The following SNCAIP variants were observed in gnomAD, a reference collection of about 807,000 sequenced individuals.
The protein encoded by SNCAIP is synuclein alpha interacting protein.
SNCAIP carries 43 observed loss-of-function variants against 86.7 expected under a neutral mutation model. The observed-to-expected ratio is 0.50, with a 90% CI of 0.39 to 0.64. The LOEUF (loss-of-function observed/expected upper bound fraction) is 0.64, where lower values mean the gene tolerates loss of function less well. Ranked by LOEUF, SNCAIP falls within the 30% of genes least tolerant of loss-of-function variation. The pLI, the probability that SNCAIP is intolerant of heterozygous loss-of-function variation, is 0.00. For missense variants in SNCAIP, 981 were observed against 1,103.1 expected, an observed-to-expected ratio of 0.89 and a Z score of 1.57; for synonymous variants, 417 against 427.2, an observed-to-expected ratio of 0.98 and a Z score of 0.29.
chr5:122,376,584 T>C (rs551803224), intron 1 of SNCAIP, among the ~76,000 whole-genome samples: 1 of 152,174 alleles, frequency 6.6e-6, no homozygotes, highest in Non-Finnish European at 1.5e-5. Flanking sequence ...GGTCATAGTT[T>C]TGTCCTTGTG....
intron 2 of SNCAIP, among the ~76,000 whole-genome samples, chr5:122,393,818 A>G (rs541417548): frequency 6.6e-6 from 1 of 152,322 alleles, no homozygotes; most frequent in South Asian, 2.1e-4. Flanking sequence ...ATCATAATTT[A>G]GTGTGATCCA....
At position 122,338,506 on chromosome 5, in the gene SNCAIP, AT is replaced by A. The variant is rs1410027083; in HGVS notation, c.-47+26224del. Among the ~76,000 whole-genome samples, 7 of 152,128 alleles carry A rather than the reference AT, an allele frequency of 4.6e-5. 1 individual carries two copies. Among genetic ancestry groups the A allele is most frequent in the African/African-American group, 1.7e-4 (7 of 41,432 alleles). ...TAATTTAATAATTTATTACTTTTTT[AT>A]TGTCCTGGGTATTAAAATGGTCACA... On this transcript the variant is annotated intron_variant, in intron 1 of 10. Coordinates refer to ENST00000261368, the MANE Select transcript of SNCAIP (RefSeq NM_005460.4).
At chr5:122,463,120 A>G (rs1245742962) in intron 10 of SNCAIP, among the ~76,000 whole-genome samples, 3 of 152,244 alleles carry the variant, frequency 2.0e-5, no homozygotes, top group Non-Finnish European at 4.4e-5. Context: ...TCACCAGTGA[A>G]TCTATCTAAA....
chr5:122,311,929 T>G (rs534073410), upstream of SNCAIP: 10 of 150,228 alleles, frequency 6.7e-5, no homozygotes, highest in African/African-American at 1.9e-4. Context: ...CTCGCTGGCC[T>G]GGGGGCGGCC....
intron 1 of SNCAIP, among the ~76,000 whole-genome samples, chr5:122,377,530 A>G (rs890477023): frequency 1.3e-5 from 2 of 149,968 alleles, no homozygotes; most frequent in Middle Eastern, 3.2e-3. Flanking sequence ...GAAAGAAAGA[A>G]AGAGAGATCA....
At chr5:122,439,013 T>C (rs187061181) in intron 6 of SNCAIP, among the ~76,000 whole-genome samples, 5 of 152,348 alleles carry the variant, frequency 3.3e-5, no homozygotes, top group Admixed American at 2.6e-4. Flanking sequence ...GATACTTCCA[T>C]TCATCCAGAT....
At chr5:122,425,041 A>G (rs1471461809) in intron 4 of SNCAIP, among the ~76,000 whole-genome samples, 3 of 152,238 alleles carry the variant, frequency 2.0e-5, no homozygotes, top group African/African-American at 7.2e-5. Flanking sequence ...CAAGTAGGGG[A>G]GACAGACAGG....
intron 2 of SNCAIP, 65 bp downstream of exon 2, chr5:122,391,256 T>C (rs868688460): frequency 9.7e-6 from 11 of 1,139,700 alleles, no homozygotes; most frequent in Middle Eastern, 3.9e-4. Flanking sequence ...TAGCCTACTT[T>C]CTCCATTATA....
chr5:122,463,097 G>A (rs1786836830), intron 10 of SNCAIP, among the ~76,000 whole-genome samples: 1 of 152,236 alleles, frequency 6.6e-6, no homozygotes, highest in Non-Finnish European at 1.5e-5. Context: ...AAGCTTATTG[G>A]AGAATAAAAG....
At chr5:122,347,296 T>C (rs908337055) in intron 1 of SNCAIP, among the ~76,000 whole-genome samples, 4 of 152,090 alleles carry the variant, frequency 2.6e-5, no homozygotes, top group African/African-American at 9.7e-5. Flanking sequence ...CTTGCTAGGA[T>C]AAAGTGATGG....
chr5:122,326,682 C>G (rs1754156725), intron 1 of SNCAIP, among the ~76,000 whole-genome samples: 1 of 108,918 alleles, frequency 9.2e-6, no homozygotes, highest in Non-Finnish European at 1.7e-5. Flanking sequence ...TTTGCAAGGT[C>G]TTTTGATGTC....
chr5:122,427,802 G>A (rs1158885364), intron 5 of SNCAIP, among the ~76,000 whole-genome samples: 2 of 152,168 alleles, frequency 1.3e-5, no homozygotes, highest in African/African-American at 4.8e-5. Context: ...TGGCTAACAG[G>A]AAGCAGAGTC....
intron 1 of SNCAIP, among the ~76,000 whole-genome samples, chr5:122,340,283 T>C (rs560344241): frequency 5.9e-5 from 9 of 152,288 alleles, no homozygotes; most frequent in Non-Finnish European, 7.4e-5. Context: ...CAAGATGCAA[T>C]TGAATTATTT....
At chr5:122,434,721 C>T (rs1779046520) in intron 6 of SNCAIP, among the ~76,000 whole-genome samples, 1 of 152,146 alleles carries the variant, frequency 6.6e-6, no homozygotes, top group South Asian at 2.1e-4. Context: ...TCCAGCCATC[C>T]TACATCCGCC....
At chr5:122,425,585 T>C (rs967322750) in intron 5 of SNCAIP, 54 bp downstream of exon 5, 18 of 1,458,580 alleles carry the variant, frequency 1.2e-5, no homozygotes, top group African/African-American at 2.8e-5. Flanking sequence ...TTCTATTTTT[T>C]AAGATTCCTT....
chr5:122,361,150 G>T, intron 1 of SNCAIP, among the ~76,000 whole-genome samples: 1 of 143,260 alleles, frequency 7.0e-6, no homozygotes, highest in Admixed American at 7.1e-5. Flanking sequence ...TGAATTTACA[G>T]TACATAATCA....
At chr5:122,408,061 T>C (rs1228656636) in intron 3 of SNCAIP, among the ~76,000 whole-genome samples, 2 of 152,154 alleles carry the variant, frequency 1.3e-5, no homozygotes, top group African/African-American at 4.8e-5. Context: ...CTTGGGCCTG[T>C]CTTCTCCAGA....
intron 1 of SNCAIP, among the ~76,000 whole-genome samples, chr5:122,359,349 T>TTTTA (rs10528513): frequency 0.058 from 8,317 of 142,178 alleles, 795 homozygotes; most frequent in African/African-American, 0.2. Flanking sequence ...AGATTTTTAT[T>TTTTA]TTTATTTATT....
upstream of SNCAIP, chr5:122,312,119 G>A (rs955365600): frequency 6.7e-6 from 1 of 148,452 alleles, no homozygotes; most frequent in Non-Finnish European, 1.5e-5. Context: ...GGGGCCCGGG[G>A]AGCGGCGCCC....
Sources: allele counts gnomAD v4.1 joint callset (sites outside exome capture counted in the v4.1 genomes callset), GRCh38; gene constraint gnomAD v4.1.1; transcripts MANE v1.5; gene names NCBI Gene and HGNC (gene_info 2026-07-23, HGNC 2026-07-21).